The following KLHL5 variants were observed in gnomAD, a reference collection of about 807,000 sequenced individuals.
KLHL5 encodes the protein kelch-like protein 5.
Under a neutral mutation model 77.7 loss-of-function variants are expected in KLHL5, and 48 were observed. The ratio of observed to expected loss-of-function variants is 0.62; its 90% CI spans 0.49 to 0.79. The LOEUF (loss-of-function observed/expected upper bound fraction) is 0.79. KLHL5 is among the 30% of genes least tolerant of loss of function. The pLI, the probability that KLHL5 is intolerant of heterozygous loss-of-function variation, is 0.00. For synonymous variants in KLHL5, 260 were observed against 297.0 expected, an observed-to-expected ratio of 0.88 and a Z score of 1.28; for missense variants, 723 against 859.7, an observed-to-expected ratio of 0.84 and a Z score of 1.99.
chr4:39,087,298 A>G (rs1720141041), intron 5 of KLHL5, among the ~76,000 whole-genome samples: 1 of 152,154 alleles, frequency 6.6e-6, no homozygotes, highest in Non-Finnish European at 1.5e-5. Flanking sequence ...GAATTACCAA[A>G]ACTGCTAATA....
chr4:39,045,273 C>T (rs1434962723), intron 1 of KLHL5, among the ~76,000 whole-genome samples: 1 of 150,352 alleles, frequency 6.7e-6, no homozygotes, highest in Non-Finnish European at 1.5e-5. Context: ...CTGGGCCGGG[C>T]GGGGGCCTCC....
At chr4:39,072,830 A>G (rs1263669899) in intron 1 of KLHL5, among the ~76,000 whole-genome samples, 2 of 152,232 alleles carry the variant, frequency 1.3e-5, no homozygotes, top group African/African-American at 4.8e-5. Context: ...GACTTGGGTC[A>G]GTGTGCACAA....
rs138658260 is a variant in KLHL5, at chr4:39,094,615, A to T, written c.1114-2077A>T. Among the ~76,000 whole-genome samples the T allele has an allele frequency of 2.9e-3, 434 of 152,034 alleles. 6 individuals carry two copies. The highest frequency in any genetic ancestry group is 9.9e-3 in the African/African-American group (411 of 41,532). On this transcript the variant is annotated intron_variant, in intron 5 of 10. Transcript: ENST00000504108. The stretch of plus-strand genomic sequence containing the variant: ...CTGGGTATCAGAATATGCTATAAAG[A>T]CACTGTAATATACTATTTAGAAATA...
chr4:39,131,974 G>A, the KLHL5 span, among the ~76,000 whole-genome samples: 1 of 151,994 alleles, frequency 6.6e-6, no homozygotes, highest in Admixed American at 6.6e-5. Flanking sequence ...TTTGCCCCAA[G>A]GGCATTTGCC....
At chr4:39,097,265 A>G (rs750446233) in intron 6 of KLHL5, among the ~76,000 whole-genome samples, 2 of 152,236 alleles carry the variant, frequency 1.3e-5, no homozygotes, top group Non-Finnish European at 2.9e-5. Flanking sequence ...ATATAGAAGG[A>G]AAGATGAGAT....
intron 8 of KLHL5, among the ~76,000 whole-genome samples, chr4:39,108,810 G>C (rs555394551): frequency 1.3e-5 from 2 of 152,188 alleles, no homozygotes; most frequent in Non-Finnish European, 2.9e-5. Context: ...AAACCTTTGG[G>C]ATTGATTCAT....
chr4:39,044,863 TCCGGGGCCAC>T (rs1365502802), upstream of KLHL5: 1 of 843,898 alleles, frequency 1.2e-6, no homozygotes, highest in African/African-American at 1.8e-5. Context: ...GCCCGCCCCC[TCCGGGGCCAC>T]CCGGGGACTC....
At chr4:39,117,213 T>C (rs1253552893) in intron 10 of KLHL5, among the ~76,000 whole-genome samples, 1 of 152,020 alleles carries the variant, frequency 6.6e-6, no homozygotes, top group African/African-American at 2.4e-5. Context: ...AGGCGGAAGA[T>C]CGCTTGAGCC....
chr4:39,108,900 A>G (rs1722237459), intron 8 of KLHL5, among the ~76,000 whole-genome samples: 1 of 152,108 alleles, frequency 6.6e-6, no homozygotes, highest in African/African-American at 2.4e-5. Flanking sequence ...CTTCTCTAAA[A>G]CCTGATTTCC....
intron 5 of KLHL5, among the ~76,000 whole-genome samples, chr4:39,089,061 AGATTACTATAACTGC>A: frequency 6.6e-6 from 1 of 152,350 alleles, no homozygotes; most frequent in Non-Finnish European, 1.5e-5. Context: ...TATTTCAGAA[AGATTACTATAACTGC>A]ATTGTGGAGA....
At chr4:39,113,838 T>C (rs532367965) in intron 9 of KLHL5, among the ~76,000 whole-genome samples, 1 of 152,084 alleles carries the variant, frequency 6.6e-6, no homozygotes, top group East Asian at 1.9e-4. Context: ...CAAAGAGTGA[T>C]GGGGAGGGAA....
intron 6 of KLHL5, among the ~76,000 whole-genome samples, chr4:39,098,753 A>G (rs1435738583): frequency 6.6e-6 from 1 of 151,954 alleles, no homozygotes; most frequent in East Asian, 1.9e-4. Context: ...TTTAGTAGAG[A>G]TGGGGTTTCA....
At chr4:39,058,598 CAG>C (rs1000368551), upstream of KLHL5, among the ~76,000 whole-genome samples, 7 of 152,054 alleles carry the variant, frequency 4.6e-5, no homozygotes, top group African/African-American at 1.7e-4. Flanking sequence ...GCCTGTGTGA[CAG>C]AGTGATACCC....
downstream of KLHL5, among the ~76,000 whole-genome samples, chr4:39,127,112 G>T (rs761159265): frequency 6.6e-6 from 1 of 152,090 alleles, no homozygotes; most frequent in Admixed American, 6.5e-5. Flanking sequence ...GAGGCTGGGG[G>T]ATTGCTTGAG....
upstream of KLHL5, chr4:39,045,037 T>C (rs1010706166): frequency 2.0e-6 from 2 of 990,248 alleles, no homozygotes; most frequent in Non-Finnish European, 2.4e-6. Flanking sequence ...CCTCCCCCGC[T>C]CCTCCCGCCT....
At chr4:39,128,505 T>G (rs1433551065), downstream of KLHL5, among the ~76,000 whole-genome samples, 1 of 152,180 alleles carries the variant, frequency 6.6e-6, no homozygotes, top group Non-Finnish European at 1.5e-5. Flanking sequence ...ATCTGCCAAT[T>G]TATTGTTTTT....
intron 10 of KLHL5, chr4:39,115,707 C>T (rs1187622492): frequency 4.8e-5 from 56 of 1,177,954 alleles, no homozygotes; most frequent in Non-Finnish European, 5.2e-5. Context: ...TGTGAGCAGT[C>T]GGATTTTTAA....
Position 39,086,677 on chromosome 4 carries a change from G to T in KLHL5, c.1063G>T (p.Asp355Tyr). 5 of 1,613,976 alleles carry T rather than the reference G, an allele frequency of 3.1e-6. No individual in the cohort carries two copies. The highest frequency in any genetic ancestry group is 4.2e-6 in the Non-Finnish European group (5 of 1,179,944). ...TCATGATTTGGAACAGAGACGGAAAGATCTAAGTAAACTTTTGGCTTATAT... is the reference window on the plus strand; with the variant it reads ...TCATGATTTGGAACAGAGACGGAAATATCTAAGTAAACTTTTGGCTTATAT... ...VRHDLEQRRK[D>Y]LSKLLAYIRL... Residue 355 changes from aspartate (D) to tyrosine (Y), a missense_variant, in exon 5 of 11, where the codon GAT becomes TAT. This residue lies in a region of KLHL5 where 288 missense variants were observed against 400.3 expected (regional missense o/e 0.72). Coordinates refer to ENST00000504108, the MANE Select transcript of KLHL5 (RefSeq NM_015990.5).
chr4:39,110,045 C>T (rs938228876), intron 8 of KLHL5, among the ~76,000 whole-genome samples: 19 of 152,228 alleles, frequency 1.2e-4, no homozygotes, highest in Non-Finnish European at 2.5e-4. Context: ...ACCTTTAAGC[C>T]ACTGGCTGGC....
Sources: allele counts gnomAD v4.1 joint callset (sites outside exome capture counted in the v4.1 genomes callset), GRCh38; gene constraint gnomAD v4.1.1; regional missense constraint gnomAD v4.1.1; transcripts MANE v1.5; gene names NCBI Gene and HGNC (gene_info 2026-07-23, HGNC 2026-07-21).